The following GALNTL6 variants were observed in gnomAD, a reference collection of about 807,000 sequenced individuals.
GALNTL6 encodes the protein polypeptide N-acetylgalactosaminyltransferase like 6, also known as polypeptide N-acetylgalactosaminyltransferase-like 6.
A neutral mutation model predicts 73.7 loss-of-function variants in GALNTL6; 46 were observed. That is an observed-to-expected ratio of 0.62 (90% CI 0.49 to 0.80). The LOEUF (loss-of-function observed/expected upper bound fraction) is 0.80. GALNTL6 is among the 30% of genes least tolerant of loss of function. The pLI is 0.00. For synonymous variants in GALNTL6, 259 were observed against 263.7 expected (o/e 0.98, Z 0.17); for missense variants, 604 against 755.0 (o/e 0.80, Z 2.34).
intron 10 of GALNTL6, among the ~76,000 whole-genome samples, chr4:173,006,441 G>A (rs997258357): frequency 9.2e-5 from 14 of 152,306 alleles, no homozygotes; most frequent in Admixed American, 5.9e-4. Flanking sequence ...TTTACAGAGT[G>A]TGCCAGGCTC....
chr4:172,814,122 T>C (rs181632401), intron 7 of GALNTL6, among the ~76,000 whole-genome samples: 172 of 152,338 alleles, frequency 1.1e-3, no homozygotes, highest in Middle Eastern at 3.4e-3. Context: ...ATATAAAATA[T>C]GAACCAGTGT....
intron 2 of GALNTL6, among the ~76,000 whole-genome samples, chr4:172,046,079 T>A (rs1164471060): frequency 6.6e-6 from 1 of 152,088 alleles, no homozygotes. Flanking sequence ...ACCACATTTT[T>A]ATAATCATTT....
Position 172,952,519 on chromosome 4 carries a change from G to GTT in GALNTL6, c.1371+265_1371+266dup, listed in dbSNP as rs201491765. ...TTTTTGTTTGTTTGTTTTTGTTTTT[G>GTT]TTTTTGTTTTTTTTGAGATGGAGTC... On this transcript the variant is annotated intron_variant, in intron 10 of 12. Coordinates refer to ENST00000506823, the MANE Select transcript of GALNTL6 (RefSeq NM_001034845.3). Among the ~76,000 whole-genome samples, 396 of 147,438 alleles carry GTT rather than the reference G, an allele frequency of 2.7e-3. 2 individuals carry two copies. The highest frequency in any genetic ancestry group is 0.021 in the Middle Eastern group (6 of 286).
chr4:172,669,412 G>A (rs1394973568), intron 5 of GALNTL6, among the ~76,000 whole-genome samples: 2 of 152,120 alleles, frequency 1.3e-5, no homozygotes, highest in East Asian at 3.9e-4. Context: ...AAGGAACAGA[G>A]GGCTCACTAG....
At chr4:171,852,867 G>T (rs1389831513) in intron 2 of GALNTL6, among the ~76,000 whole-genome samples, 1 of 152,016 alleles carries the variant, frequency 6.6e-6, no homozygotes, top group Non-Finnish European at 1.5e-5. Context: ...TTGTTTTTGA[G>T]ATGGAGTCTT....
chr4:173,034,106 C>A (rs1294185116), intron 12 of GALNTL6, among the ~76,000 whole-genome samples: 1 of 152,188 alleles, frequency 6.6e-6, no homozygotes, highest in Admixed American at 6.5e-5. Context: ...CCTCAACCTC[C>A]ACATCTCATT....
chr4:172,550,713 T>C (rs1735925303), intron 5 of GALNTL6, among the ~76,000 whole-genome samples: 1 of 152,170 alleles, frequency 6.6e-6, no homozygotes, highest in African/African-American at 2.4e-5. Flanking sequence ...TCCCCCAGCC[T>C]CAGCCTCTCA....
intron 5 of GALNTL6, among the ~76,000 whole-genome samples, chr4:172,779,291 T>C (rs1162929739): frequency 6.6e-6 from 1 of 152,154 alleles, no homozygotes; most frequent in Non-Finnish European, 1.5e-5. Context: ...TGACAACACC[T>C]TGGTACACGT....
At chr4:172,134,936 T>C (rs1035904839) in intron 2 of GALNTL6, among the ~76,000 whole-genome samples, 1 of 152,188 alleles carries the variant, frequency 6.6e-6, no homozygotes, top group Non-Finnish European at 1.5e-5. Flanking sequence ...TCACATTCCA[T>C]GTTCAGAATC....
intron 5 of GALNTL6, among the ~76,000 whole-genome samples, chr4:172,602,738 C>A (rs1047866966): frequency 1.3e-5 from 2 of 152,074 alleles, no homozygotes; most frequent in African/African-American, 4.8e-5. Flanking sequence ...CAGGTATTTA[C>A]CCAAGAAATA....
chr4:172,807,243 G>T (rs1038421857), intron 5 of GALNTL6, among the ~76,000 whole-genome samples: 1 of 152,136 alleles, frequency 6.6e-6, no homozygotes, highest in African/African-American at 2.4e-5. Flanking sequence ...CTTGCCTCCT[G>T]GTTGAGATAG....
chr4:172,762,709 T>G (rs1481394374), intron 5 of GALNTL6, among the ~76,000 whole-genome samples: 1 of 151,088 alleles, frequency 6.6e-6, no homozygotes, highest in East Asian at 2.0e-4. Context: ...CATACCACAA[T>G]TAACTCTTGA....
At chr4:172,833,007 G>A (rs1262200382) in intron 7 of GALNTL6, among the ~76,000 whole-genome samples, 1 of 151,866 alleles carries the variant, frequency 6.6e-6, no homozygotes, top group Non-Finnish European at 1.5e-5. Flanking sequence ...CATGGCTCTG[G>A]CCAGGTGGGA....
chr4:172,394,428 C>CTT (rs201130774), intron 5 of GALNTL6, among the ~76,000 whole-genome samples: 2,889 of 120,124 alleles, frequency 0.024, 181 homozygotes, highest in African/African-American at 0.088. Flanking sequence ...TCTTCTTCTT[C>CTT]TTTTTTTTTT....
chr4:172,742,639 A>G (rs1332432708), intron 5 of GALNTL6, among the ~76,000 whole-genome samples: 1 of 152,054 alleles, frequency 6.6e-6, no homozygotes, highest in East Asian at 1.9e-4. Context: ...TTCAGAACCC[A>G]TGTATTCTGG....
intron 2 of GALNTL6, among the ~76,000 whole-genome samples, chr4:172,161,174 A>G (rs556541488): frequency 6.6e-5 from 10 of 152,124 alleles, no homozygotes; most frequent in Non-Finnish European, 8.8e-5. Flanking sequence ...CAAATTGAGA[A>G]TAGATGAAAA....
intron 2 of GALNTL6, among the ~76,000 whole-genome samples, chr4:171,976,484 T>C (rs375727959): frequency 1.3e-5 from 2 of 152,306 alleles, no homozygotes; most frequent in South Asian, 4.1e-4. Flanking sequence ...ACATTTGAGA[T>C]AGGGTGTTCA....
At chr4:172,894,933 A>G (rs972588204) in intron 8 of GALNTL6, among the ~76,000 whole-genome samples, 4 of 149,864 alleles carry the variant, frequency 2.7e-5, no homozygotes, top group Admixed American at 2.0e-4. Flanking sequence ...ATCATTATAT[A>G]ATGATCTTGT....
At chr4:172,751,555 A>C (rs534053395) in intron 5 of GALNTL6, among the ~76,000 whole-genome samples, 1 of 152,368 alleles carries the variant, frequency 6.6e-6, no homozygotes, top group Admixed American at 6.5e-5. Flanking sequence ...AATTGCAAAG[A>C]AAGGCAGTGA....
Sources: allele counts gnomAD v4.1 joint callset (sites outside exome capture counted in the v4.1 genomes callset), GRCh38; gene constraint gnomAD v4.1.1; transcripts MANE v1.5; gene names NCBI Gene and HGNC (gene_info 2026-07-23, HGNC 2026-07-21).